The following THSD4 variants were observed in gnomAD, a reference collection of about 807,000 sequenced individuals.
The protein encoded by THSD4 is thrombospondin type 1 domain containing 4, also known as thrombospondin type-1 domain-containing protein 4.
A neutral mutation model predicts 119.0 loss-of-function variants in THSD4; 69 were observed. The ratio of observed to expected loss-of-function variants is 0.58; its 90% CI spans 0.48 to 0.71. The LOEUF is 0.71. Ranked by LOEUF, THSD4 falls within the 30% of genes least tolerant of loss-of-function variation. THSD4 has a pLI of 0.00. For synonymous variants in THSD4, 524 were observed against 540.4 expected (o/e 0.97, Z 0.42); for missense variants, 1,393 against 1,391.1 (o/e 1.00, Z -0.02).
chr15:71,673,454 G>C (rs946105900), intron 8 of THSD4, among the ~76,000 whole-genome samples: 1 of 152,170 alleles, frequency 6.6e-6, no homozygotes, highest in African/African-American at 2.4e-5. Context: ...TGGATTCATT[G>C]ATTTTTTTGA....
intron 3 of THSD4, among the ~76,000 whole-genome samples, chr15:71,182,317 A>G (rs2043539093): frequency 6.6e-6 from 1 of 151,756 alleles, no homozygotes; most frequent in East Asian, 1.9e-4. Context: ...AAATAAATAC[A>G]TTATAAATTT....
chr15:71,690,507 G>A (rs2052024563), intron 8 of THSD4, among the ~76,000 whole-genome samples: 1 of 152,204 alleles, frequency 6.6e-6, no homozygotes, highest in African/African-American at 2.4e-5. Context: ...CACTATGGTA[G>A]ACAGAATAAT....
rs894812906 is a variant in THSD4 at position 71,255,604 on chromosome 15, C to T, written c.913-1009C>T. ...GGTGATTGTTTTGCATGCAGAAGGT[C>T]GGAAATTCCTGCTTCATGTGGGACA... On this transcript the variant is annotated intron_variant, in intron 5 of 17. Transcript: ENST00000261862. 1.1e-4 allele frequency among the ~76,000 whole-genome samples: 17 copies of T among 152,084 alleles called. 1 individual carries two copies. The highest frequency in any genetic ancestry group is 6.6e-4 in the Admixed American group (10 of 15,262).
At chr15:71,299,490 A>G (rs1465651776) in intron 6 of THSD4, among the ~76,000 whole-genome samples, 3 of 152,226 alleles carry the variant, frequency 2.0e-5, no homozygotes, top group African/African-American at 7.2e-5. Context: ...ATACTGCATT[A>G]TCTCACTTGT....
chr15:71,196,510 CAGAG>C (rs1343854653), intron 3 of THSD4, among the ~76,000 whole-genome samples: 1 of 152,010 alleles, frequency 6.6e-6, no homozygotes, highest in Non-Finnish European at 1.5e-5. Context: ...GTGAAGGAGA[CAGAG>C]AGAGAAAAAG....
chr15:71,653,544 G>T (rs1392761674), intron 7 of THSD4, among the ~76,000 whole-genome samples: 1 of 152,136 alleles, frequency 6.6e-6, no homozygotes, highest in Non-Finnish European at 1.5e-5. Context: ...ATCCTACAAT[G>T]CATAAGGCAA....
intron 7 of THSD4, among the ~76,000 whole-genome samples, chr15:71,565,417 T>C (rs1417218362): frequency 6.6e-6 from 1 of 152,206 alleles, no homozygotes; most frequent in Non-Finnish European, 1.5e-5. Flanking sequence ...TCATCTCTCC[T>C]ATTCCAGAGC....
intron 7 of THSD4, among the ~76,000 whole-genome samples, chr15:71,514,989 C>T (rs1463317331): frequency 6.6e-6 from 1 of 152,186 alleles, no homozygotes. Context: ...AAGAGAACAT[C>T]TTGAACATAA....
At chr15:71,559,914 T>C (rs2049086427) in intron 7 of THSD4, among the ~76,000 whole-genome samples, 1 of 152,172 alleles carries the variant, frequency 6.6e-6, no homozygotes, top group South Asian at 2.1e-4. Context: ...CAAGAAACTA[T>C]TGAATACCTT....
At chr15:71,124,792 C>T (rs1033245110) in intron 1 of THSD4, among the ~76,000 whole-genome samples, 3 of 152,128 alleles carry the variant, frequency 2.0e-5, no homozygotes, top group Non-Finnish European at 2.9e-5. Context: ...CCTGTAATCC[C>T]GGCACTTTGG....
chr15:71,393,819 A>T (rs976352361), intron 6 of THSD4, among the ~76,000 whole-genome samples: 2 of 152,150 alleles, frequency 1.3e-5, no homozygotes, highest in African/African-American at 4.8e-5. Context: ...GGCCTTCCGG[A>T]GCCTCCTATT....
intron 7 of THSD4, among the ~76,000 whole-genome samples, chr15:71,650,484 G>C (rs1004925698): frequency 3.9e-5 from 6 of 152,132 alleles, no homozygotes; most frequent in African/African-American, 1.4e-4. Context: ...GGGGGCCAGA[G>C]AAAATAAACT....
At chr15:71,344,937 A>G (rs2045634578) in intron 6 of THSD4, among the ~76,000 whole-genome samples, 1 of 152,138 alleles carries the variant, frequency 6.6e-6, no homozygotes, top group South Asian at 2.1e-4. Context: ...ATGATGACAG[A>G]AAAGTGAGCC....
intron 6 of THSD4, among the ~76,000 whole-genome samples, chr15:71,265,614 C>G (rs978246195): frequency 6.6e-6 from 1 of 152,044 alleles, no homozygotes; most frequent in Non-Finnish European, 1.5e-5. Flanking sequence ...AAACTGTTCA[C>G]TCCCCTGGAA....
At chr15:71,248,820 G>A (rs1393414954) in intron 5 of THSD4, among the ~76,000 whole-genome samples, 1 of 152,114 alleles carries the variant, frequency 6.6e-6, no homozygotes, top group East Asian at 1.9e-4. Flanking sequence ...TGAAAGAGGA[G>A]CTAATAACTT....
intron 4 of THSD4, among the ~76,000 whole-genome samples, chr15:71,220,780 T>C (rs2043969168): frequency 6.6e-6 from 1 of 152,250 alleles, no homozygotes; most frequent in Non-Finnish European, 1.5e-5. Flanking sequence ...CCCGTCCAGA[T>C]GGGTGGGACT....
At chr15:71,730,992 T>A in intron 9 of THSD4, 129 bp from the exon 10 acceptor site, 1 of 747,046 alleles carries the variant, frequency 1.3e-6, no homozygotes, top group Non-Finnish European at 2.3e-6. Context: ...ACAGGTTCAC[T>A]GATATTACTG....
intron 3 of THSD4, among the ~76,000 whole-genome samples, chr15:71,170,327 G>A (rs1278378524): frequency 2.0e-5 from 3 of 152,148 alleles, no homozygotes; most frequent in African/African-American, 7.2e-5. Context: ...ACAATCTGAG[G>A]TTGAGGAAAG....
intron 6 of THSD4, among the ~76,000 whole-genome samples, chr15:71,401,549 G>A (rs140906206): frequency 1.6e-3 from 244 of 152,054 alleles, no homozygotes; most frequent in Middle Eastern, 0.01. Flanking sequence ...TGTTAATTCT[G>A]GGTTTTTACA....
Sources: gnomAD v4.1 joint callset for allele counts (sites outside exome capture counted in the v4.1 genomes callset) on GRCh38, gnomAD v4.1.1 for gene constraint, MANE v1.5 for transcripts, NCBI Gene and HGNC (gene_info 2026-07-23, HGNC 2026-07-21) for gene names.